The following WDFY2 variants were observed in gnomAD, a reference collection of about 807,000 sequenced individuals.
WDFY2 encodes the protein WD repeat and FYVE domain-containing protein 2.
In WDFY2, 36 loss-of-function variants were observed where a neutral mutation model predicts 56.4. The observed-to-expected ratio is 0.64, with a 90% CI of 0.49 to 0.84. The LOEUF (loss-of-function observed/expected upper bound fraction) is 0.84. Among genes scored for constraint, WDFY2 ranks in the 40% least tolerant of loss-of-function variants. WDFY2 has a pLI of 0.00. For synonymous variants in WDFY2, 176 were observed against 183.7 expected, an observed-to-expected ratio of 0.96 and a Z score of 0.34; for missense variants, 444 against 512.2, an observed-to-expected ratio of 0.87 and a Z score of 1.29.
chr13:51,758,912 G>A (rs1953487519), intron 11 of WDFY2, among the ~76,000 whole-genome samples: 2 of 152,168 alleles, frequency 1.3e-5, no homozygotes, highest in African/African-American at 4.8e-5. Flanking sequence ...GGCTGGGTGT[G>A]TTGACTCACG....
intron 3 of WDFY2, among the ~76,000 whole-genome samples, chr13:51,675,491 G>A (rs1015189852): frequency 1.1e-4 from 16 of 152,142 alleles, no homozygotes; most frequent in African/African-American, 2.9e-4. Context: ...GGGGGCAATC[G>A]GAGGCCAATG....
At chr13:51,670,485 ACATG>A (rs1291105631) in intron 2 of WDFY2, among the ~76,000 whole-genome samples, 1 of 126,790 alleles carries the variant, frequency 7.9e-6, no homozygotes. Context: ...TACTGTGCGC[ACATG>A]CACACACACA....
intron 7 of WDFY2, among the ~76,000 whole-genome samples, chr13:51,740,442 G>A (rs1952943486): frequency 6.6e-6 from 1 of 152,232 alleles, no homozygotes; most frequent in African/African-American, 2.4e-5. Flanking sequence ...AGGGCCGGGT[G>A]CATTGGCTCA....
chr13:51,593,545 C>T (rs572910344), intron 1 of WDFY2, among the ~76,000 whole-genome samples: 5 of 152,208 alleles, frequency 3.3e-5, no homozygotes, highest in Admixed American at 6.5e-5. Flanking sequence ...TTTGCCATAC[C>T]TGACCAGCCA....
rs56054205 is a variant in WDFY2, at chr13:51,707,939, C to CTTTTTTTTTTTTTT, written c.334+4308_334+4321dup. 4.9e-4 allele frequency among the ~76,000 whole-genome samples: 28 copies of CTTTTTTTTTTTTTT among 57,564 alleles called. 2 individuals are homozygous for CTTTTTTTTTTTTTT. Among genetic ancestry groups the CTTTTTTTTTTTTTT allele is most frequent in the African/African-American group, 6.4e-4 (9 of 13,978 alleles). The allele number at this position is 57,564 out of a possible 152,430, so 37.8% of individuals were successfully genotyped here. On this transcript the variant is annotated intron_variant, in intron 4 of 11. Coordinates refer to ENST00000298125, the MANE Select transcript of WDFY2 (RefSeq NM_052950.4). ...ATATATACTATTAACCCTAAAACAACTTTTTTTTTTTTTTTTTTTTTTTTT... is the reference window on the plus strand; with the variant it reads ...ATATATACTATTAACCCTAAAACAACTTTTTTTTTTTTTTTTTTTTTTTTTTTTTTTTTTTTTTT...
At chr13:51,660,938 C>T (rs1955600828) in intron 2 of WDFY2, among the ~76,000 whole-genome samples, 1 of 152,182 alleles carries the variant, frequency 6.6e-6, no homozygotes, top group African/African-American at 2.4e-5. Flanking sequence ...CCTCTCTTTT[C>T]CAACTTTTTG....
chr13:51,598,140 ACC>A (rs1220927396), intron 1 of WDFY2, among the ~76,000 whole-genome samples: 4 of 152,088 alleles, frequency 2.6e-5, no homozygotes, highest in African/African-American at 9.7e-5. Flanking sequence ...TGGGCAGATC[ACC>A]TGAGTTCAGG....
intron 1 of WDFY2, among the ~76,000 whole-genome samples, chr13:51,640,449 G>A (rs1360596208): frequency 1.3e-5 from 2 of 152,162 alleles, no homozygotes; most frequent in African/African-American, 4.8e-5. Flanking sequence ...GGGATTTGCT[G>A]TGAACAAATT....
intron 5 of WDFY2, among the ~76,000 whole-genome samples, chr13:51,727,339 G>C (rs958766969): frequency 2.0e-5 from 3 of 151,956 alleles, no homozygotes; most frequent in African/African-American, 7.3e-5. Flanking sequence ...ATACCATATT[G>C]TTCTTATTTT....
intron 1 of WDFY2, among the ~76,000 whole-genome samples, chr13:51,632,881 A>G (rs1954977990): frequency 6.6e-6 from 1 of 152,132 alleles, no homozygotes; most frequent in Non-Finnish European, 1.5e-5. Context: ...TTTGTTCATT[A>G]TTGGTAACTG....
chr13:51,645,820 A>G (rs1955252658), intron 1 of WDFY2, among the ~76,000 whole-genome samples: 1 of 152,088 alleles, frequency 6.6e-6, no homozygotes, highest in Non-Finnish European at 1.5e-5. Flanking sequence ...TACTCCTTAT[A>G]TGCTGATGTC....
chr13:51,598,178 G>A (rs1175058995), intron 1 of WDFY2, among the ~76,000 whole-genome samples: 1 of 152,010 alleles, frequency 6.6e-6, no homozygotes, highest in Non-Finnish European at 1.5e-5. Flanking sequence ...CGGCCAACAT[G>A]GTGAAACCCT....
chr13:51,759,650 G>GA, intron 11 of WDFY2, 90 bp from the exon 12 acceptor site: 5 of 1,310,826 alleles, frequency 3.8e-6, no homozygotes, highest in African/African-American at 1.5e-5. Context: ...TTTGTTAAAT[G>GA]AAAAAAATTT....
intron 1 of WDFY2, 106 bp from the exon 2 acceptor site, chr13:51,660,490 C>A: frequency 9.4e-7 from 1 of 1,063,508 alleles, no homozygotes. Context: ...AGCCACCGCG[C>A]CTGGCCTCTC....
At chr13:51,598,853 C>T (rs1202201077) in intron 1 of WDFY2, 1 of 149,744 alleles carries the variant, frequency 6.7e-6, no homozygotes, top group East Asian at 2.0e-4. Flanking sequence ...AAATTCAGCA[C>T]GAGATTGATT....
At chr13:51,688,839 A>T (rs931244672) in intron 3 of WDFY2, among the ~76,000 whole-genome samples, 1 of 152,222 alleles carries the variant, frequency 6.6e-6, no homozygotes, top group African/African-American at 2.4e-5. Flanking sequence ...AAAAATAAAT[A>T]TCAGCAACTA....
At chr13:51,645,334 A>AC (rs914770963) in intron 1 of WDFY2, among the ~76,000 whole-genome samples, 1 of 152,116 alleles carries the variant, frequency 6.6e-6, no homozygotes, top group African/African-American at 2.4e-5. Context: ...CCCAGCCCCT[A>AC]CCCCAAGTTA....
chr13:51,622,345 A>G (rs951779318), intron 1 of WDFY2, among the ~76,000 whole-genome samples: 1 of 150,686 alleles, frequency 6.6e-6, no homozygotes, highest in African/African-American at 2.4e-5. Flanking sequence ...ATTGTTTTTT[A>G]TTTTAGCCTT....
rs761223013 is a variant in WDFY2 at position 51,756,433 on chromosome 13, C to T, written c.1035C>T (p.Asp345=). ...MGFEFEVRVC[D]SCHEAITDEE... is the part of the protein sequence containing the mutation. ...TCGAGTTTGAAGTGAGGGTCTGTGA[C>T]AGCTGCCACGAGGCCATCACAGATG... Residue 345 remains aspartate, a synonymous_variant, in exon 10 of 12, where the codon GAC becomes GAT. Coordinates refer to ENST00000298125, the MANE Select transcript of WDFY2 (RefSeq NM_052950.4). The T allele has an allele frequency of 1.2e-6, 2 of 1,614,150 alleles. No homozygotes were observed. The highest frequency in any genetic ancestry group is 2.2e-5 in the East Asian group (1 of 44,878).
Sources: gnomAD v4.1 joint callset for allele counts (sites outside exome capture counted in the v4.1 genomes callset) on GRCh38, gnomAD v4.1.1 for gene constraint, MANE v1.5 for transcripts, NCBI Gene and HGNC (gene_info 2026-07-23, HGNC 2026-07-21) for gene names.